Variants in FST observed in about 807,000 individuals in gnomAD.
The protein encoded by FST is follistatin, also known as activin-binding protein.
FST carries 6 observed loss-of-function variants against 38.4 expected under a neutral mutation model. The observed-to-expected ratio is 0.16, with a 90% CI of 0.09 to 0.31. The LOEUF is 0.31. Among genes scored for constraint, FST ranks in the 10% least tolerant of loss-of-function variants. The pLI is 1.00. For missense variants in FST, 301 were observed against 432.3 expected, an observed-to-expected ratio of 0.70 and a Z score of 2.69; for synonymous variants, 157 against 169.8, an observed-to-expected ratio of 0.92 and a Z score of 0.59.
rs1311238157 is a variant in FST, at chr5:53,480,709, G to T, written c.-83G>T. ...TGCGCCCTCCGCCGCTGGCCTCTGC[G>T]ACGCGCGCCGCTCGCCCGAGCCACC... On this transcript the variant is annotated 5_prime_UTR_variant, in exon 1 of 6. Coordinates refer to ENST00000256759, the MANE Select transcript of FST (RefSeq NM_013409.3). The T allele has an allele frequency of 1.8e-5, 5 of 283,998 alleles. No homozygotes were observed. The highest frequency in any genetic ancestry group is 2.3e-5 in the African/African-American group (1 of 43,538). The allele number at this position is 283,998 out of a possible 1,614,324, so 17.6% of individuals were successfully genotyped here. A position where few individuals can be genotyped will look rare whatever the true frequency, so the allele number is the denominator to read the frequency against.
At position 53,483,482 on chromosome 5, in the gene FST, C is replaced by T. The variant is rs374157337; in HGVS notation, c.278-22C>T. ...AGACTGCCTGGCTCTGGTTTTAATC[C>T]ATGCCTGTTTCTAACTCACAGAAAC... On this transcript the variant is annotated intron_variant, in intron 2 of 5. Coordinates refer to ENST00000256759, the MANE Select transcript of FST (RefSeq NM_013409.3). This position sits in a 1 kb window ranked among gnomAD's most constrained non-coding sequence, Gnocchi z 4.1. 3.3e-5 allele frequency: 53 copies of T among 1,588,230 alleles called. No individual in the cohort carries two copies. Among genetic ancestry groups the T allele is most frequent in the Non-Finnish European group, 4.4e-5 (51 of 1,157,292 alleles).
intron 5 of FST, chr5:53,485,640 A>G (rs752096871): frequency 8.3e-7 from 1 of 1,199,294 alleles, no homozygotes; most frequent in East Asian, 2.3e-5. Flanking sequence ...TTAAGGACCC[A>G]AAGCAGTTAT....
chr5:53,482,761 C>T (rs1356248821), intron 1 of FST, 119 bp from the exon 2 acceptor site: 6 of 603,424 alleles, frequency 9.9e-6, no homozygotes, highest in Non-Finnish European at 1.8e-5. Context: ...CACTTCCCCT[C>T]CTCCACGCTC....
rs754492336 is a variant in FST at position 53,485,064 on chromosome 5, G to C, written c.789G>C (p.Gly263=). 2.7e-5 allele frequency: 44 copies of C among 1,612,680 alleles called. 1 individual carries two copies. In the South Asian group the frequency reaches 4.7e-4, roughly 17 times the overall value. Reference sequence around the variant, plus strand: ...AATGTTTATGGGATTTCAAGGTTGGGAGAGGCCGGTGTTCCCTCTGTGATG... The same window carrying C: ...AATGTTTATGGGATTTCAAGGTTGGCAGAGGCCGGTGTTCCCTCTGTGATG... ...GKKCLWDFKV[G]RGRCSLCDEL... Residue 263 remains glycine, a synonymous_variant, in exon 5 of 6, where the codon GGG becomes GGC. Transcript: ENST00000256759.
chr5:53,482,969 G>A lies in FST; in HGVS notation c.175G>A (p.Gly59Ser), dbSNP rs1747330102. 1.2e-6 allele frequency: 2 copies of A among 1,612,802 alleles called. No homozygotes were observed. The highest frequency in any genetic ancestry group is 4.5e-5 in the East Asian group (2 of 44,870). Residue 59 changes from glycine (G) to serine (S), a missense_variant, in exon 2 of 6, where the codon GGC becomes AGC. Physicochemically the swap from Gly to Ser is moderately conservative, Grantham distance 56 (BLOSUM62 0). Transcript: ENST00000256759. ...ELSKEECCST[G>S]RLSTSWTEED... ...GAGCAAGGAGGAGTGCTGCAGCACC[G>A]GCCGGCTGAGCACCTCGTGGACCGA...
chr5:53,483,084 C>A lies in FST; in HGVS notation c.277+13C>A. On this transcript the variant is annotated intron_variant, in intron 2 of 5. Coordinates refer to ENST00000256759, the MANE Select transcript of FST (RefSeq NM_013409.3). This position sits in a 1 kb window ranked among gnomAD's most constrained non-coding sequence, Gnocchi z 4.1. ...ATCCCCTGTAAAGGTAGGACTCCTT[C>A]TTCCCAACTTGCAGGCCCTCAGTAG... 1 of 1,591,544 alleles carries A rather than the reference C, an allele frequency of 6.3e-7. No individual in the cohort carries two copies. Among genetic ancestry groups the A allele is most frequent in the South Asian group, 1.1e-5 (1 of 89,476 alleles).
Position 53,486,072 on chromosome 5 carries a change from CAAAAAAAAAAA to C in FST, c.*50_*60del, listed in dbSNP as rs3083659. On this transcript the variant is annotated 3_prime_UTR_variant, in exon 6 of 6. Coordinates refer to ENST00000256759, the MANE Select transcript of FST (RefSeq NM_013409.3). ...GTTCAGTGTTGACATAGCCTTTGTG[CAAAAAAAAAAA>C]AAAAAAAAAAGAAAAAGAAAAAAAG... 15 of 266,714 alleles carry C rather than the reference CAAAAAAAAAAA, an allele frequency of 5.6e-5. No homozygotes were observed. The highest frequency in any genetic ancestry group is 1.8e-4 in the South Asian group (2 of 11,078). The allele number at this position is 266,714 out of a possible 1,614,324, so 16.5% of individuals were successfully genotyped here. A position where few individuals can be genotyped will look rare whatever the true frequency, so the allele number is the denominator to read the frequency against.
chr5:53,482,968 C>A lies in FST; in HGVS notation c.174C>A (p.Thr58=), dbSNP rs750364956. The A allele has an allele frequency of 6.2e-7, 1 of 1,613,026 alleles. No homozygotes were observed. The highest frequency in any genetic ancestry group is 1.1e-5 in the South Asian group (1 of 91,054). Residue 58 remains threonine (T), a synonymous_variant, in exon 2 of 6, where the codon ACC becomes ACA. Transcript: ENST00000256759. ...TGAGCAAGGAGGAGTGCTGCAGCAC[C>A]GGCCGGCTGAGCACCTCGTGGACCG... is the stretch of plus-strand genomic sequence containing the variant. ...TELSKEECCS[T]GRLSTSWTEE...
At position 53,480,885 on chromosome 5, in the gene FST, G is replaced by A. The variant is rs181213082; in HGVS notation, c.85+9G>A. On this transcript the variant is annotated intron_variant, in intron 1 of 5. Coordinates refer to ENST00000256759, the MANE Select transcript of FST (RefSeq NM_013409.3). ...GGACCGCAGTGCCCAGGGTAAGCGA[G>A]TGGGGATGCGCTGGGGAGGCTTGGC... 1.3e-6 allele frequency: 2 copies of A among 1,485,588 alleles called. No individual in the cohort carries two copies. Among genetic ancestry groups the A allele is most frequent in the Admixed American group, 4.1e-5 (2 of 49,022 alleles). The allele number at this position is 1,485,588 out of a possible 1,614,324, so 92.0% of individuals were successfully genotyped here. A position where few individuals can be genotyped will look rare whatever the true frequency, so the allele number is the denominator to read the frequency against.
At position 53,486,045 on chromosome 5, in the gene FST, G is replaced by GCTGTC; in HGVS notation, c.*12_*13insCTGTC. On this transcript the variant is annotated 3_prime_UTR_variant, in exon 6 of 6. Coordinates refer to ENST00000256759, the MANE Select transcript of FST (RefSeq NM_013409.3). ...TTCTAGAGTGGTAAACTCTCTATAA[G>GCTGTC]TGTTCAGTGTTGACATAGCCTTTGT... 1.4e-6 allele frequency: 1 copy of GCTGTC among 696,444 alleles called. No individual in the cohort carries two copies. The highest frequency in any genetic ancestry group is 2.2e-5 in the African/African-American group (1 of 44,502). The allele number at this position is 696,444 out of a possible 1,614,324, so 43.1% of individuals were successfully genotyped here. A position where few individuals can be genotyped will look rare whatever the true frequency, so the allele number is the denominator to read the frequency against.
Position 53,480,876 on chromosome 5 carries a change from G to T in FST, c.85G>T (p.Ala29Ser). Reference sequence around the variant, plus strand: ...GTTCATGGAGGACCGCAGTGCCCAGGGTAAGCGAGTGGGGATGCGCTGGGG... The same window carrying T: ...GTTCATGGAGGACCGCAGTGCCCAGTGTAAGCGAGTGGGGATGCGCTGGGG... ...CQFMEDRSAQ[A>S]GNCWLRQAKN... Residue 29 changes from alanine (A) to serine (S), a missense_variant and splice_region_variant, in exon 1 of 6, where the codon GCT (alanine) becomes TCT (serine). Ala to Ser is a moderately conservative substitution (Grantham distance 99). Transcript: ENST00000256759. 6.6e-7 allele frequency: 1 copy of T among 1,515,010 alleles called. No individual in the cohort carries two copies. The highest frequency in any genetic ancestry group is 8.9e-7 in the Non-Finnish European group (1 of 1,122,094). 93.8% of individuals were successfully genotyped at this position (1,515,010 alleles called of 1,614,324 possible).
In FST at chr5:53,483,881, C is replaced by G. The variant is rs2112340191; in HGVS notation, c.496+159C>G. Among the ~76,000 whole-genome samples the G allele has an allele frequency of 6.6e-6, 1 of 152,314 alleles. No individual in the cohort carries two copies. The highest frequency in any genetic ancestry group is 2.1e-4 in the South Asian group (1 of 4,830). ...AAATAAAGGAGTCCTTTTCTAACCT[C>G]TAGAGATTCATTAAGAACACTGAGG... is the stretch of plus-strand genomic sequence containing the variant. On this transcript the variant is annotated intron_variant, in intron 3 of 5. Transcript: ENST00000256759. This position sits in a 1 kb window ranked among gnomAD's most constrained non-coding sequence, Gnocchi z 4.1.
Position 53,482,577 on chromosome 5 carries a change from G to T in FST, c.86-303G>T, listed in dbSNP as rs1311658066. 5 of 430,784 alleles carry T rather than the reference G, an allele frequency of 1.2e-5. No individual in the cohort carries two copies. The East Asian group carries it at 1.5e-4, about 13-fold the overall frequency. The allele number at this position is 430,784 out of a possible 1,614,324, so 26.7% of individuals were successfully genotyped here. A position where few individuals can be genotyped will look rare whatever the true frequency, so the allele number is the denominator to read the frequency against. Reference sequence around the variant, plus strand: ...AATGCAAGCTGCACGTGTTGTGTCTGGGTCACTGGTAACTGACATTGATAT... The same window carrying T: ...AATGCAAGCTGCACGTGTTGTGTCTTGGTCACTGGTAACTGACATTGATAT... On this transcript the variant is annotated intron_variant, in intron 1 of 5. Coordinates refer to ENST00000256759, the MANE Select transcript of FST (RefSeq NM_013409.3).
chr5:53,481,984 G>C (rs538678925), intron 1 of FST, among the ~76,000 whole-genome samples: 1 of 152,356 alleles, frequency 6.6e-6, no homozygotes, highest in South Asian at 2.1e-4. Flanking sequence ...ACTGCGCTGG[G>C]TTGCCCGCCT....
At chr5:53,484,333 G>C in intron 4 of FST, 40 bp downstream of exon 4, 2 of 1,591,536 alleles carry the variant, frequency 1.3e-6, no homozygotes, top group African/African-American at 1.3e-5. Context: ...GAGAAAACAG[G>C]CTAGTTCTAT....
intron 1 of FST, 116 bp from the exon 2 acceptor site, chr5:53,482,764 C>T: frequency 1.6e-6 from 1 of 608,748 alleles, no homozygotes; most frequent in East Asian, 2.9e-5. Context: ...TTCCCCTCCT[C>T]CACGCTCACC....
At chr5:53,484,870 T>A in intron 4 of FST, 127 bp from the exon 5 acceptor site, 1 of 599,650 alleles carries the variant, frequency 1.7e-6, no homozygotes, top group Non-Finnish European at 3.0e-6. Context: ...CCATTAGTAA[T>A]AGGCTATTAC....
intron 5 of FST, 72 bp from the exon 6 acceptor site, chr5:53,485,879 C>G: frequency 6.3e-7 from 1 of 1,599,146 alleles, no homozygotes; most frequent in East Asian, 2.2e-5. Context: ...GCTTTGAAAA[C>G]ATACACTGAG....
Position 53,485,935 on chromosome 5 carries a change from G to A in FST, c.953-16G>A, listed in dbSNP as rs1271705951. The A allele has an allele frequency of 1.2e-6, 2 of 1,606,284 alleles. No individual in the cohort carries two copies. The highest frequency in any genetic ancestry group is 2.2e-5 in the East Asian group (1 of 44,838). ...TCCGTATTTAAACAACAGCTCCCCT[G>A]TATTCCCCCATCTAGCCATTTCGGA... On this transcript the variant is annotated splice_polypyrimidine_tract_variant and intron_variant, in intron 5 of 5. Coordinates refer to ENST00000256759, the MANE Select transcript of FST (RefSeq NM_013409.3).
Sources: allele counts gnomAD v4.1 joint callset (sites outside exome capture counted in the v4.1 genomes callset), GRCh38; gene constraint gnomAD v4.1.1; non-coding constraint Gnocchi (gnomAD v3.1); transcripts MANE v1.5; gene names NCBI Gene and HGNC (gene_info 2026-07-23, HGNC 2026-07-21).